The following CSNK2A2IP variants were observed in gnomAD, a reference collection of about 807,000 sequenced individuals.
CSNK2A2IP encodes the protein casein kinase 2 subunit alpha' interacting protein.
the CSNK2A2IP span, among the ~76,000 whole-genome samples, chr3:88,385,246 G>A: frequency 1.3e-5 from 2 of 152,154 alleles, no homozygotes; most frequent in Non-Finnish European, 2.9e-5. Context: ...TGAGGCGGGA[G>A]GAAAACTGGG....
At chr3:88,354,545 T>C in the CSNK2A2IP span, among the ~76,000 whole-genome samples, 2 of 152,106 alleles carry the variant, frequency 1.3e-5, no homozygotes, top group African/African-American at 4.8e-5. Flanking sequence ...AAGTGAGAGA[T>C]GTTATGCATA....
chr3:88,466,003 C>A, the CSNK2A2IP span: 2 of 1,231,562 alleles, frequency 1.6e-6, no homozygotes, highest in African/African-American at 3.1e-5. Context: ...CTCGACATTG[C>A]TTCAATCCAA....
the CSNK2A2IP span, among the ~76,000 whole-genome samples, chr3:88,375,502 G>T: frequency 6.6e-6 from 1 of 151,672 alleles, no homozygotes; most frequent in Non-Finnish European, 1.5e-5. Flanking sequence ...GTTAAGATTT[G>T]TGATAGGTCT....
chr3:88,396,745 A>G, the CSNK2A2IP span, among the ~76,000 whole-genome samples: 1 of 152,218 alleles, frequency 6.6e-6, no homozygotes, highest in African/African-American at 2.4e-5. Context: ...GCAGGAGCAT[A>G]AGATTATAAT....
At chr3:88,451,132 ATATATT>A in the CSNK2A2IP span, among the ~76,000 whole-genome samples, 3 of 152,106 alleles carry the variant, frequency 2.0e-5, no homozygotes, top group Admixed American at 2.0e-4. Context: ...AAATAATTGT[ATATATT>A]TATAGTGTGC....
the CSNK2A2IP span, among the ~76,000 whole-genome samples, chr3:88,408,786 C>T: frequency 2.6e-5 from 4 of 151,980 alleles, no homozygotes; most frequent in East Asian, 7.7e-4. Flanking sequence ...CTGTGCATCT[C>T]AAGGATTTGA....
At chr3:88,430,619 G>C in the CSNK2A2IP span, among the ~76,000 whole-genome samples, 1 of 152,010 alleles carries the variant, frequency 6.6e-6, no homozygotes, top group Non-Finnish European at 1.5e-5. Flanking sequence ...CAGTTATAGA[G>C]TATCCAATAT....
the CSNK2A2IP span, among the ~76,000 whole-genome samples, chr3:88,405,854 T>G: frequency 3.3e-5 from 5 of 152,154 alleles, no homozygotes; most frequent in Admixed American, 1.3e-4. Context: ...TTAGGGAGCT[T>G]GCAGAACAAA....
the CSNK2A2IP span, among the ~76,000 whole-genome samples, chr3:88,365,078 G>A: frequency 1.3e-5 from 2 of 152,138 alleles, no homozygotes; most frequent in East Asian, 1.9e-4. Context: ...GATCCAGGAT[G>A]TGGATCCAAG....
the CSNK2A2IP span, among the ~76,000 whole-genome samples, chr3:88,388,375 A>G: frequency 9.2e-5 from 14 of 152,200 alleles, no homozygotes; most frequent in African/African-American, 3.4e-4. Context: ...CAGTTTCTGC[A>G]CATATATTAT....
the CSNK2A2IP span, among the ~76,000 whole-genome samples, chr3:88,447,298 A>T: frequency 2.0e-5 from 3 of 152,288 alleles, no homozygotes; most frequent in South Asian, 6.2e-4. Context: ...AAAGAAATAA[A>T]TGTTACAAAT....
the CSNK2A2IP span, among the ~76,000 whole-genome samples, chr3:88,338,897 T>C: frequency 3.2e-4 from 48 of 152,268 alleles, no homozygotes; most frequent in African/African-American, 1.1e-3. Context: ...ATGCTTTATT[T>C]ATTTTTTTAA....
the CSNK2A2IP span, among the ~76,000 whole-genome samples, chr3:88,435,957 T>C: frequency 1.3e-4 from 13 of 101,446 alleles, no homozygotes; most frequent in Non-Finnish European, 2.5e-4. Flanking sequence ...TAATGCACAT[T>C]ATGTGTGCAT....
chr3:88,425,640 T>C, the CSNK2A2IP span, among the ~76,000 whole-genome samples: 1 of 152,184 alleles, frequency 6.6e-6, no homozygotes, highest in Non-Finnish European at 1.5e-5. Context: ...ATGAATGTTC[T>C]TTACTTTCTA....
At chr3:88,367,747 G>C in the CSNK2A2IP span, among the ~76,000 whole-genome samples, 1 of 152,156 alleles carries the variant, frequency 6.6e-6, no homozygotes, top group Admixed American at 6.6e-5. Context: ...CAGAACTCCT[G>C]TGTTATCTAA....
chr3:88,465,743 C>A, the CSNK2A2IP span: 3 of 1,231,676 alleles, frequency 2.4e-6, no homozygotes, highest in Non-Finnish European at 2.0e-6. Flanking sequence ...AAAGCTCAAA[C>A]AACGTCTTCA....
chr3:88,424,221 T>TTA, the CSNK2A2IP span, among the ~76,000 whole-genome samples: 2 of 152,316 alleles, frequency 1.3e-5, no homozygotes, highest in South Asian at 4.1e-4. Flanking sequence ...GTAGAAGAGT[T>TTA]GTGCTTTGAA....
chr3:88,382,921 A>G, the CSNK2A2IP span: 3 of 152,314 alleles, frequency 2.0e-5, no homozygotes, highest in African/African-American at 7.2e-5. Flanking sequence ...TTTCTATTAG[A>G]GTGAATTGTT....
chr3:88,461,783 T>G, the CSNK2A2IP span, among the ~76,000 whole-genome samples: 1 of 152,120 alleles, frequency 6.6e-6, no homozygotes, highest in African/African-American at 2.4e-5. Flanking sequence ...TTTATTTTTA[T>G]GAGACAGTGT....
Sources: allele counts gnomAD v4.1 joint callset (sites outside exome capture counted in the v4.1 genomes callset), GRCh38; gene constraint gnomAD v4.1.1; transcripts MANE v1.5; gene names NCBI Gene and HGNC (gene_info 2026-07-23, HGNC 2026-07-21).